UFL1: variants seen among roughly 807,000 people sequenced by gnomAD.
UFL1 encodes UFM1 specific ligase 1.
In UFL1, 78 loss-of-function variants were observed where a neutral mutation model predicts 99.3. The ratio of observed to expected loss-of-function variants is 0.79; its 90% CI spans 0.65 to 0.95. UFL1 has a LOEUF of 0.95. Ranked by LOEUF, UFL1 falls within the 40% of genes least tolerant of loss-of-function variation. The probability of loss-of-function intolerance (pLI) is 0.00; values close to 1 mark genes in which losing one functional copy is unlikely to be tolerated. For synonymous variants in UFL1, 335 were observed against 322.2 expected (o/e 1.04, Z -0.42); for missense variants, 936 against 937.0 (o/e 1.00, Z 0.01).
intron 6 of UFL1, among the ~76,000 whole-genome samples, chr6:96,532,523 G>A (rs1271412064): frequency 1.3e-5 from 2 of 152,220 alleles, no homozygotes; most frequent in East Asian, 1.9e-4. Context: ...CTCATGAATA[G>A]ATTAATGCCC....
Position 96,542,042 on chromosome 6 carries a change from A to G in UFL1, c.1280-852A>G, listed in dbSNP as rs1194549324. ...TTAGTAATCACTTTATTTTATTAAA[A>G]AGACTAATCTTTTACTTATTTTGAA... On this transcript the variant is annotated intron_variant, in intron 11 of 18. Coordinates refer to ENST00000369278, the MANE Select transcript of UFL1 (RefSeq NM_015323.5). Among the ~76,000 whole-genome samples the G allele has an allele frequency of 2.0e-5, 3 of 151,364 alleles. No individual in the cohort carries two copies. The East Asian group carries it at 5.8e-4, about 29-fold the overall frequency.
intron 1 of UFL1, chr6:96,522,887 T>C (rs1408969110): frequency 3.6e-6 from 1 of 276,158 alleles, no homozygotes; most frequent in Non-Finnish European, 6.7e-6. Flanking sequence ...AGCAGGCCTG[T>C]AAGAGACAAC....
Position 96,553,482 on chromosome 6 carries a change from A to C in UFL1, c.2364A>C (p.Lys788Asn). Reference sequence around the variant, plus strand: ...AAGACCTTGTTCTCAAATCTAGGAAATCATCTGTGACGGAAGAGTAATGAT... The same window carrying C: ...AAGACCTTGTTCTCAAATCTAGGAACTCATCTGTGACGGAAGAGTAATGAT... The part of the protein sequence containing the change: ...SIKDLVLKSR[K>N]SSVTEE The change falls in exon 19 of 19, where the codon AAA becomes AAC. Residue 788 changes from lysine (K) to asparagine (N), a missense_variant. Coordinates refer to ENST00000369278, the MANE Select transcript of UFL1 (RefSeq NM_015323.5). 4.3e-6 allele frequency: 7 copies of C among 1,613,418 alleles called. No homozygotes were observed. Among genetic ancestry groups the C allele is most frequent in the Non-Finnish European group, 5.9e-6 (7 of 1,179,670 alleles).
At chr6:96,547,744 T>C (rs906746254) in intron 12 of UFL1, among the ~76,000 whole-genome samples, 5 of 150,470 alleles carry the variant, frequency 3.3e-5, no homozygotes, top group African/African-American at 1.2e-4. Context: ...TTCTCACTTA[T>C]AAATGGGAGC....
At chr6:96,547,143 C>T (rs1050363560) in intron 12 of UFL1, among the ~76,000 whole-genome samples, 2 of 150,966 alleles carry the variant, frequency 1.3e-5, no homozygotes, top group African/African-American at 4.8e-5. Flanking sequence ...AAGAAGAAGC[C>T]CCATTGAAAA....
At chr6:96,552,246 A>G (rs1168248447) in intron 17 of UFL1, among the ~76,000 whole-genome samples, 1 of 152,100 alleles carries the variant, frequency 6.6e-6, no homozygotes, top group African/African-American at 2.4e-5. Context: ...ACTCAAAACA[A>G]AAAACATACT....
intron 1 of UFL1, chr6:96,522,833 C>T: frequency 1.0e-5 from 2 of 193,418 alleles, no homozygotes; most frequent in Non-Finnish European, 1.0e-5. Flanking sequence ...TTTTTCCTAC[C>T]TAAATAAATG....
rs769186881 is a variant in UFL1 at position 96,552,443 on chromosome 6, A to G, written c.1986-39A>G. The G allele has an allele frequency of 1.1e-5, 16 of 1,510,354 alleles. No homozygotes were observed. In the South Asian group the frequency reaches 1.8e-4, roughly 17 times the overall value. 93.6% of individuals were successfully genotyped at this position (1,510,354 alleles called of 1,614,324 possible). ...ATTGAAATTGGTGAGAACTTCTTAA[A>G]TTATGATAATGAATTTGTGTGCTTT... On this transcript the variant is annotated intron_variant, in intron 17 of 18. Coordinates refer to ENST00000369278, the MANE Select transcript of UFL1 (RefSeq NM_015323.5).
intron 12 of UFL1, among the ~76,000 whole-genome samples, chr6:96,544,404 T>TA (rs770088242): frequency 1.5e-3 from 214 of 145,586 alleles, no homozygotes; most frequent in African/African-American, 3.1e-3. Context: ...AAATGAAAAT[T>TA]AAAAAAAAAA....
Position 96,521,831 on chromosome 6 carries a change from AC to A in UFL1, c.-42del, listed in dbSNP as rs1769612878. 6.3e-7 allele frequency: 1 copy of A among 1,588,792 alleles called. No homozygotes were observed. Among genetic ancestry groups the A allele is most frequent in the Admixed American group, 1.7e-5 (1 of 57,316 alleles). On this transcript the variant is annotated 5_prime_UTR_variant, in exon 1 of 19. Coordinates refer to ENST00000369278, the MANE Select transcript of UFL1 (RefSeq NM_015323.5). ...CTCTTCTCCCACCGCCTGTCGGCTG[AC>A]GTGTCTGCAGTTCCTCCGCGTCTAC...
At chr6:96,550,977 C>A (rs191625576) in intron 15 of UFL1, among the ~76,000 whole-genome samples, 6 of 151,960 alleles carry the variant, frequency 3.9e-5, no homozygotes, top group Non-Finnish European at 8.8e-5. Context: ...TGGACACTTA[C>A]ATGTAGAGAG....
At position 96,521,841 on chromosome 6, in the gene UFL1, A is replaced by C. The variant is rs371351936; in HGVS notation, c.-33A>C. On this transcript the variant is annotated 5_prime_UTR_variant, in exon 1 of 19. Coordinates refer to ENST00000369278, the MANE Select transcript of UFL1 (RefSeq NM_015323.5). ...ACCGCCTGTCGGCTGACGTGTCTGC[A>C]GTTCCTCCGCGTCTACTGCGAGTCA... 1 of 1,600,630 alleles carries C rather than the reference A, an allele frequency of 6.2e-7. No individual in the cohort carries two copies. The highest frequency in any genetic ancestry group is 8.5e-7 in the Non-Finnish European group (1 of 1,174,420).
chr6:96,533,872 C>T (rs1334428625), intron 6 of UFL1, among the ~76,000 whole-genome samples: 1 of 144,338 alleles, frequency 6.9e-6, no homozygotes, highest in African/African-American at 2.5e-5. Context: ...TCATTCCAAA[C>T]ATTTTCAGTG....
Position 96,521,873 on chromosome 6 carries a change from G to A in UFL1, c.-1G>A, listed in dbSNP as rs1296022359. The A allele has an allele frequency of 3.7e-6, 6 of 1,611,780 alleles. No individual in the cohort carries two copies. Among genetic ancestry groups the A allele is most frequent in the Non-Finnish European group, 5.1e-6 (6 of 1,179,324 alleles). On this transcript the variant is annotated 5_prime_UTR_variant, in exon 1 of 19. Transcript: ENST00000369278. ...CCGCGTCTACTGCGAGTCAGGCCGTGATGGCGGACGCCTGGGAAGAGATTA... is the reference window on the plus strand; with the variant it reads ...CCGCGTCTACTGCGAGTCAGGCCGTAATGGCGGACGCCTGGGAAGAGATTA...
At chr6:96,533,207 T>TAA (rs541993575) in intron 6 of UFL1, among the ~76,000 whole-genome samples, 1 of 145,184 alleles carries the variant, frequency 6.9e-6, no homozygotes, top group Non-Finnish European at 1.5e-5. Flanking sequence ...TTGTATCCTT[T>TAA]AAAAAAAAAA....
In UFL1 at chr6:96,543,925, A is replaced by G. The variant is rs143743971; in HGVS notation, c.1402+909A>G. On this transcript the variant is annotated intron_variant, in intron 12 of 18. Transcript: ENST00000369278. The stretch of plus-strand genomic sequence containing the variant: ...AAATACAGCATATTAAATTATAAAC[A>G]TTAGTTTTATTTTTCATTTTCCTAT... Among the ~76,000 whole-genome samples the G allele has an allele frequency of 5.0e-3, 751 of 151,162 alleles. 4 individuals carry two copies. Among genetic ancestry groups the G allele is most frequent in the Non-Finnish European group, 8.3e-3 (557 of 67,300 alleles).
chr6:96,551,576 T>TCAA (rs1770080804), intron 16 of UFL1, 63 bp downstream of exon 16: 1 of 1,143,658 alleles, frequency 8.7e-7, no homozygotes, highest in African/African-American at 1.6e-5. Context: ...GATCTTTGAG[T>TCAA]AGATTTTTTT....
chr6:96,525,531 G>A, intron 4 of UFL1, 137 bp downstream of exon 4: 3 of 703,280 alleles, frequency 4.3e-6, no homozygotes, highest in Admixed American at 6.0e-5. Context: ...TCATGATAAG[G>A]TTTATTTCAC....
intron 6 of UFL1, among the ~76,000 whole-genome samples, chr6:96,533,884 A>C (rs1396735126): frequency 6.6e-6 from 1 of 151,258 alleles, no homozygotes; most frequent in African/African-American, 2.4e-5. Flanking sequence ...TTTTCAGTGC[A>C]CATATGATCT....
Sources: allele counts gnomAD v4.1 joint callset (sites outside exome capture counted in the v4.1 genomes callset), GRCh38; gene constraint gnomAD v4.1.1; transcripts MANE v1.5; gene names NCBI Gene and HGNC (gene_info 2026-07-23, HGNC 2026-07-21).